DLEU7: variants seen among roughly 807,000 people sequenced by gnomAD.
DLEU7 encodes deleted in lymphocytic leukemia 7.
A neutral mutation model predicts 16.0 loss-of-function variants in DLEU7; 17 were observed. The observed-to-expected ratio is 1.06, with a 90% confidence interval of 0.73 to 1.59. DLEU7 has a LOEUF of 1.59. DLEU7 is among the 40% of genes most tolerant of loss of function. The probability of loss-of-function intolerance (pLI) is 0.00; values close to 1 mark genes in which losing one functional copy is unlikely to be tolerated. For synonymous variants in DLEU7, 113 were observed against 139.8 expected (o/e 0.81, Z 1.35); for missense variants, 308 against 314.9 (o/e 0.98, Z 0.17).
chr13:50,777,076 C>T (rs1875523306), intron 1 of DLEU7, among the ~76,000 whole-genome samples: 1 of 152,186 alleles, frequency 6.6e-6, no homozygotes, highest in Non-Finnish European at 1.5e-5. Context: ...GATAAATGCT[C>T]CAGAGCTTCC....
At chr13:50,834,007 A>G (rs1467430524) in intron 1 of DLEU7, among the ~76,000 whole-genome samples, 1 of 152,116 alleles carries the variant, frequency 6.6e-6, no homozygotes, top group Non-Finnish European at 1.5e-5. Context: ...CTGAAACTGG[A>G]CCCCTTCCTT....
chr13:50,737,338 T>C (rs187356193), intron 1 of DLEU7, among the ~76,000 whole-genome samples: 5 of 152,282 alleles, frequency 3.3e-5, no homozygotes, highest in African/African-American at 1.2e-4. Flanking sequence ...AAATTTAACC[T>C]ATTACAGGTA....
At chr13:50,767,347 G>A (rs1055161539) in intron 1 of DLEU7, among the ~76,000 whole-genome samples, 1 of 151,522 alleles carries the variant, frequency 6.6e-6, no homozygotes, top group Non-Finnish European at 1.5e-5. Flanking sequence ...TCCCAGCTAC[G>A]CGGGAGGCTG....
At chr13:50,713,024 C>T (rs1401038003) in exon 2 of DLEU7, 4 of 587,512 alleles carry the variant, frequency 6.8e-6, no homozygotes, top group African/African-American at 3.7e-5. Context: ...GCGTTCCAAT[C>T]GGAGGTAATA....
Position 50,730,151 on chromosome 13 carries a change from G to A in DLEU7, c.460-16911C>T, listed in dbSNP as rs561538635. Among the ~76,000 whole-genome samples the A allele has an allele frequency of 2.6e-5, 4 of 151,804 alleles. No homozygotes were observed. In the South Asian group the frequency reaches 6.3e-4, roughly 24 times the overall value. ...GTTGTCTTCATGTTGAATAGGCTGC[G>A]GAGGAGGAGGCAGAGGAGGGGTTGG... On this transcript the variant is annotated intron_variant, in intron 1 of 1. Transcript: ENST00000400393.
At chr13:50,800,561 GGAAGAAC>G (rs2137781056) in intron 1 of DLEU7, among the ~76,000 whole-genome samples, 1 of 152,152 alleles carries the variant, frequency 6.6e-6, no homozygotes, top group African/African-American at 2.4e-5. Flanking sequence ...TGCCCTTTGA[GGAAGAAC>G]ATAAGCATCT....
chr13:50,768,651 A>G (rs1566244858), intron 1 of DLEU7, among the ~76,000 whole-genome samples: 1 of 152,278 alleles, frequency 6.6e-6, no homozygotes, highest in East Asian at 1.9e-4. Flanking sequence ...TCCATAGTAT[A>G]TATGTGCTAC....
intron 1 of DLEU7, among the ~76,000 whole-genome samples, chr13:50,722,859 C>T (rs185393678): frequency 7.2e-5 from 11 of 152,288 alleles, no homozygotes; most frequent in Non-Finnish European, 1.2e-4. Context: ...TATCTAATTT[C>T]TCCCAATAGT....
At chr13:50,742,659 G>A (rs929150879) in intron 1 of DLEU7, among the ~76,000 whole-genome samples, 1 of 152,148 alleles carries the variant, frequency 6.6e-6, no homozygotes, top group African/African-American at 2.4e-5. Flanking sequence ...GTGGATGGGC[G>A]ATCATCTGGG....
chr13:50,843,709 G>T (rs553127109), upstream of DLEU7: 6 of 1,471,510 alleles, frequency 4.1e-6, no homozygotes, highest in South Asian at 1.3e-5. The surrounding 1 kb of genome is among the most constrained non-coding windows in gnomAD (Gnocchi z 5.7). Context: ...GGAGGCGGGG[G>T]CGTTGGGGTC....
intron 1 of DLEU7, among the ~76,000 whole-genome samples, chr13:50,840,522 T>A (rs1277902827): frequency 6.6e-6 from 1 of 152,016 alleles, no homozygotes; most frequent in Non-Finnish European, 1.5e-5. Context: ...AAACTCATTA[T>A]CCCCCTGCGG....
downstream of DLEU7, among the ~76,000 whole-genome samples, chr13:50,819,876 C>T (rs566256388): frequency 6.6e-6 from 1 of 152,186 alleles, no homozygotes; most frequent in Non-Finnish European, 1.5e-5. Flanking sequence ...TAGTGAATAG[C>T]CAGTATTGTA....
rs139088408 is a variant in DLEU7, at chr13:50,832,656, G to A, written c.460-9136C>T. Reference sequence around the variant, plus strand: ...TCCCTCTAAACACTACTTTAGCTGCGTCCCAGAGATTCTGGTACATTGTAT... The same window carrying A: ...TCCCTCTAAACACTACTTTAGCTGCATCCCAGAGATTCTGGTACATTGTAT... On this transcript the variant is annotated intron_variant, in intron 1 of 1. Coordinates refer to ENST00000504404, the MANE Select transcript of DLEU7 (RefSeq NM_001306135.2). Among the ~76,000 whole-genome samples, 134 of 152,184 alleles carry A rather than the reference G, an allele frequency of 8.8e-4. 1 individual carries two copies. The Middle Eastern group carries it at 0.01, about 12-fold the overall frequency.
intron 1 of DLEU7, among the ~76,000 whole-genome samples, chr13:50,805,245 T>A (rs1876356763): frequency 6.6e-6 from 1 of 152,182 alleles, no homozygotes; most frequent in African/African-American, 2.4e-5. Context: ...TTTTGTTTTG[T>A]TGTTTATTTG....
intron 1 of DLEU7, among the ~76,000 whole-genome samples, chr13:50,715,107 T>C (rs1352158019): frequency 6.6e-6 from 1 of 152,222 alleles, no homozygotes; most frequent in Non-Finnish European, 1.5e-5. Flanking sequence ...CACTGGCTCC[T>C]TGCAGCCTCT....
intron 1 of DLEU7, among the ~76,000 whole-genome samples, chr13:50,832,201 GT>G (rs1321753180): frequency 3.3e-5 from 5 of 152,130 alleles, no homozygotes; most frequent in Non-Finnish European, 5.9e-5. Flanking sequence ...CTTCTTCATG[GT>G]TTGGTCTTGG....
chr13:50,712,963 C>G (rs987951500), exon 2 of DLEU7: 16 of 468,694 alleles, frequency 3.4e-5, no homozygotes, highest in Middle Eastern at 2.9e-4. Flanking sequence ...AGCAAGATGA[C>G]AGGATTACTT....
intron 1 of DLEU7, among the ~76,000 whole-genome samples, chr13:50,757,210 T>A (rs1874789396): frequency 6.6e-6 from 1 of 152,168 alleles, no homozygotes; most frequent in African/African-American, 2.4e-5. Context: ...TCCATCTGAG[T>A]CAGAGCTGCA....
At chr13:50,735,497 C>A (rs947460530) in intron 1 of DLEU7, among the ~76,000 whole-genome samples, 15 of 151,922 alleles carry the variant, frequency 9.9e-5, no homozygotes, top group Middle Eastern at 3.4e-3. Flanking sequence ...AGAAAACCCC[C>A]AAATATTTGG....
Sources: allele counts gnomAD v4.1 joint callset (sites outside exome capture counted in the v4.1 genomes callset), GRCh38; gene constraint gnomAD v4.1.1; non-coding constraint Gnocchi (gnomAD v3.1); transcripts MANE v1.5; gene names NCBI Gene and HGNC (gene_info 2026-07-23, HGNC 2026-07-21).